Variants in FLT4 observed in about 807,000 individuals in gnomAD.
FLT4 encodes the protein fms related receptor tyrosine kinase 4, also known as vascular endothelial growth factor receptor 3.
A neutral mutation model predicts 163.2 loss-of-function variants in FLT4; 30 were observed. The observed-to-expected ratio is 0.18, with a 90% CI of 0.14 to 0.25. The LOEUF is 0.25. Among genes scored for constraint, FLT4 ranks in the 10% least tolerant of loss-of-function variants. The probability of loss-of-function intolerance (pLI) is 1.00; values close to 1 mark genes in which losing one functional copy is unlikely to be tolerated. For missense variants in FLT4, 1,510 were observed against 1,863.8 expected (o/e 0.81, Z 3.50); for synonymous variants, 884 against 789.5 (o/e 1.12, Z -2.01).
intron 23 of FLT4, among the ~76,000 whole-genome samples, 153 bp from the exon 24 acceptor site, chr5:180,614,332 G>A (rs1762466365): frequency 9.6e-6 from 1 of 103,694 alleles, no homozygotes; most frequent in Non-Finnish European, 2.2e-5. Context: ...AGAGAGGGCT[G>A]AGGCCAGATG....
At chr5:180,648,079 C>A (rs937769257) in intron 1 of FLT4, among the ~76,000 whole-genome samples, 1 of 152,196 alleles carries the variant, frequency 6.6e-6, no homozygotes, top group African/African-American at 2.4e-5. Context: ...TCCCATGTCT[C>A]CTCCAGGATA....
intron 13 of FLT4, 43 bp downstream of exon 13, chr5:180,621,499 C>T (rs1389945647): frequency 1.3e-5 from 21 of 1,604,198 alleles, no homozygotes; most frequent in Non-Finnish European, 1.8e-5. Flanking sequence ...GCAGCTACTG[C>T]TAGAAGAGAG....
intron 28 of FLT4, 39 bp downstream of exon 28, chr5:180,609,866 T>A: frequency 6.2e-7 from 1 of 1,611,992 alleles, no homozygotes; most frequent in Non-Finnish European, 8.5e-7. Context: ...GCCCCAGCCC[T>A]GAGCCGAGAG....
At position 180,620,831 on chromosome 5, in the gene FLT4, A is replaced by T. The variant is rs768813133; in HGVS notation, c.2299+45T>A. On this transcript the variant is annotated intron_variant, in intron 15 of 29. Transcript: ENST00000261937. The surrounding 1 kb of genome is among the most constrained non-coding windows in gnomAD (Gnocchi z 4.4). Reference sequence around the variant, plus strand: ...CCAAGGTGGCCACAAGAAAGCGTTAACTGGGGACGGGAAGGGAGTTGAGGG... The same window carrying T: ...CCAAGGTGGCCACAAGAAAGCGTTATCTGGGGACGGGAAGGGAGTTGAGGG... 8 of 1,609,778 alleles carry T rather than the reference A, an allele frequency of 5.0e-6. No individual in the cohort carries two copies. The South Asian group carries it at 6.6e-5, about 13-fold the overall frequency.
chr5:180,644,851 C>A lies in FLT4; in HGVS notation c.58+4637G>T, dbSNP rs184418815. Among the ~76,000 whole-genome samples the A allele has an allele frequency of 3.7e-4, 57 of 152,366 alleles. No individual in the cohort carries two copies. In the East Asian group the frequency reaches 9.1e-3, roughly 24 times the overall value. On this transcript the variant is annotated intron_variant, in intron 1 of 29. Transcript: ENST00000261937. ...GTGTTGAGTTGGGTGATGATGGGGG[C>A]TTCCCCTAAACCCACCTGAAAGTCT... is the stretch of plus-strand genomic sequence containing the variant.
intron 1 of FLT4, among the ~76,000 whole-genome samples, chr5:180,642,318 T>C (rs983989042): frequency 2.6e-4 from 39 of 152,000 alleles, no homozygotes; most frequent in Admixed American, 2.4e-3. Flanking sequence ...ACTGTGACCC[T>C]GTGTTGTCGT....
rs548419501 is a variant in FLT4, at chr5:180,628,773, C to T, written c.1103+109G>A. 46 of 773,168 alleles carry T rather than the reference C, an allele frequency of 5.9e-5. No individual in the cohort carries two copies. In the African/African-American group the frequency reaches 7.0e-4, roughly 12 times the overall value. The allele number at this position is 773,168 out of a possible 1,614,324, so 47.9% of individuals were successfully genotyped here. ...AGAGGCCCCCGCCATGCCTGGTCTC[C>T]GTGTGCAGGTCCTGACGGGGAGGAC... On this transcript the variant is annotated intron_variant, in intron 8 of 29. Coordinates refer to ENST00000261937, the MANE Select transcript of FLT4 (RefSeq NM_182925.5).
chr5:180,629,306 T>C lies in FLT4; in HGVS notation c.938A>G (p.Asn313Ser). 1 of 1,613,344 alleles carries C rather than the reference T, an allele frequency of 6.2e-7. No homozygotes were observed. Among genetic ancestry groups the C allele is most frequent in the Non-Finnish European group, 8.5e-7 (1 of 1,180,022 alleles). Residue 313 changes from asparagine to serine, a missense_variant, in exon 7 of 30, where the codon AAC becomes AGC. This residue lies in a region of FLT4 where 163 missense variants were observed against 281.1 expected (regional missense o/e 0.58). Transcript: ENST00000261937. Reference sequence around the variant, plus strand: ...CTCCCGAAATCGCTGGATGCCGTTGTTGGCCTTGCACACATACGAGCCCAG... The same window carrying C: ...CTCCCGAAATCGCTGGATGCCGTTGCTGGCCTTGCACACATACGAGCCCAG... Reference protein sequence around the residue: ...HDLGSYVCKANNGIQRFREST... With the variant: ...HDLGSYVCKASNGIQRFREST...
chr5:180,625,311 C>T (rs996865579), intron 10 of FLT4, among the ~76,000 whole-genome samples: 1 of 152,244 alleles, frequency 6.6e-6, no homozygotes. Context: ...GAGGGGAGCA[C>T]GGCTCAGCAG....
intron 29 of FLT4, among the ~76,000 whole-genome samples, chr5:180,604,596 G>A (rs1055341530): frequency 2.0e-4 from 30 of 152,268 alleles, no homozygotes; most frequent in African/African-American, 6.0e-4. Context: ...CAGGCCTCTC[G>A]CCTTGACCTA....
chr5:180,633,153 T>C (rs1200405722), intron 1 of FLT4, among the ~76,000 whole-genome samples: 1 of 152,166 alleles, frequency 6.6e-6, no homozygotes, highest in Non-Finnish European at 1.5e-5. Flanking sequence ...CGGCACCTGC[T>C]GCACACCAAG....
At position 180,602,571 on chromosome 5, in the gene FLT4, C is replaced by T. The variant is rs905702457; in HGVS notation, c.*621G>A. The T allele has an allele frequency of 4.1e-4, 164 of 400,120 alleles. No individual in the cohort carries two copies. The highest frequency in any genetic ancestry group is 7.0e-5 in the Non-Finnish European group (16 of 226,992). The allele number at this position is 400,120 out of a possible 1,614,324, so 24.8% of individuals were successfully genotyped here. On this transcript the variant is annotated 3_prime_UTR_variant, in exon 30 of 30. Coordinates refer to ENST00000261937, the MANE Select transcript of FLT4 (RefSeq NM_182925.5). ...GGTGTGCGGGCTGCCTCTGTGTTGC[C>T]AGCGTATAATACTGTCATACTGGTG...
intron 23 of FLT4, among the ~76,000 whole-genome samples, chr5:180,614,423 C>T (rs986833019): frequency 6.6e-6 from 1 of 152,082 alleles, no homozygotes; most frequent in Non-Finnish European, 1.5e-5. Flanking sequence ...GTCTGGGCCC[C>T]TCTCCCTCCC....
chr5:180,631,707 C>G lies in FLT4; in HGVS notation c.130G>C (p.Gly44Arg), dbSNP rs918215332. ...ITEESHVIDT[G>R]DSLSISCRGQ... Reference sequence around the variant, plus strand: ...CTGCAGGAGATGGACAGGCTGTCACCGGTGTCGATGACGTGTGACTCCTCC... The same window carrying G: ...CTGCAGGAGATGGACAGGCTGTCACGGGTGTCGATGACGTGTGACTCCTCC... The change falls in exon 2 of 30, where the codon GGT becomes CGT. Residue 44 changes from glycine (G) to arginine (R), a missense_variant. Around this residue, in one of 5 missense-constraint regions of FLT4, gnomAD observed 157 missense variants for 178.7 expected, o/e 0.88. Transcript: ENST00000261937. The G allele has an allele frequency of 6.2e-7, 1 of 1,610,254 alleles. No individual in the cohort carries two copies. Among genetic ancestry groups the G allele is most frequent in the African/African-American group, 1.3e-5 (1 of 74,870 alleles).
chr5:180,627,773 C>T (rs567677861), intron 8 of FLT4, among the ~76,000 whole-genome samples: 89 of 152,176 alleles, frequency 5.8e-4, no homozygotes, highest in Middle Eastern at 3.4e-3. Flanking sequence ...TAATGGTGGC[C>T]TTGGAGGGCA....
Position 180,646,066 on chromosome 5 carries a change from C to T in FLT4, c.58+3422G>A, listed in dbSNP as rs537108168. Among the ~76,000 whole-genome samples the T allele has an allele frequency of 2.6e-5, 4 of 152,216 alleles. No individual in the cohort carries two copies. The South Asian group carries it at 8.3e-4, about 32-fold the overall frequency. ...CCCTTGCAGCTGATTCGCTTAATTT[C>T]CCTGGTTCCCCCATTCCCCTCTGTC... On this transcript the variant is annotated intron_variant, in intron 1 of 29. Coordinates refer to ENST00000261937, the MANE Select transcript of FLT4 (RefSeq NM_182925.5).
At chr5:180,610,767 A>G (rs1230150507) in intron 27 of FLT4, among the ~76,000 whole-genome samples, 1 of 152,120 alleles carries the variant, frequency 6.6e-6, no homozygotes, top group East Asian at 1.9e-4. Flanking sequence ...CCGGGAGAAA[A>G]AGTACGCTTG....
intron 27 of FLT4, 152 bp downstream of exon 27, chr5:180,611,179 G>T: frequency 1.1e-6 from 1 of 937,250 alleles, no homozygotes; most frequent in South Asian, 1.5e-5. Flanking sequence ...ACCCTGCAGT[G>T]GGTCATTTAA....
intron 1 of FLT4, among the ~76,000 whole-genome samples, chr5:180,639,134 G>C (rs1024324305): frequency 2.0e-5 from 3 of 149,660 alleles, no homozygotes; most frequent in African/African-American, 7.4e-5. Context: ...TGGATGCATG[G>C]GTGGGTGGAG....
Sources: allele counts gnomAD v4.1 joint callset (sites outside exome capture counted in the v4.1 genomes callset), GRCh38; gene constraint gnomAD v4.1.1; regional missense constraint gnomAD v4.1.1; non-coding constraint Gnocchi (gnomAD v3.1); transcripts MANE v1.5; gene names NCBI Gene and HGNC (gene_info 2026-07-23, HGNC 2026-07-21).